GLT8D1: variants seen among roughly 807,000 people sequenced by gnomAD.
GLT8D1 encodes the protein glycosyltransferase 8 domain-containing protein 1.
GLT8D1 carries 41 observed loss-of-function variants against 46.2 expected under a neutral mutation model. That is an observed-to-expected ratio of 0.89 (90% confidence interval 0.69 to 1.15). The LOEUF (loss-of-function observed/expected upper bound fraction) is 1.15. GLT8D1 is among the 50% of genes most tolerant of loss of function. GLT8D1 has a pLI of 0.00. For synonymous variants in GLT8D1, 150 were observed against 154.2 expected (o/e 0.97, Z 0.20); for missense variants, 408 against 449.3 (o/e 0.91, Z 0.83).
At chr3:52,695,614 C>G in intron 7 of GLT8D1, 27 bp from the exon 8 acceptor site, 2 of 1,353,346 alleles carry the variant, frequency 1.5e-6, no homozygotes, top group Non-Finnish European at 2.1e-6. Flanking sequence ...GATATATGTA[C>G]TTACTGCTTC....
At chr3:52,704,593 T>C (rs573427287) in intron 1 of GLT8D1, 29 of 152,310 alleles carry the variant, frequency 1.9e-4, no homozygotes, top group African/African-American at 6.3e-4. Context: ...CCCATCCCTC[T>C]TTCTGCCTTC....
chr3:52,695,727 AC>A lies in GLT8D1; in HGVS notation c.646-141del, dbSNP rs1316396795. ...TTTGAAATTCCAAGTTAGAATAGGA[AC>A]CTAGATGTTGACATAATAAACCAGA... On this transcript the variant is annotated intron_variant, in intron 7 of 9. Transcript: ENST00000266014. The A allele has an allele frequency of 6.2e-6, 4 of 647,748 alleles. No homozygotes were observed. In the Admixed American group the frequency reaches 1.2e-4, roughly 19 times the overall value. 40.1% of individuals were successfully genotyped at this position (647,748 alleles called of 1,614,324 possible).
rs769248984 is a variant in GLT8D1 at position 52,696,630 on chromosome 3, C to G, written c.359G>C (p.Ser120Thr). 11 of 1,606,388 alleles carry G rather than the reference C, an allele frequency of 6.8e-6. No individual in the cohort carries two copies. The highest frequency in any genetic ancestry group is 1.3e-5 in the African/African-American group (1 of 74,734). Residue 120 changes from serine (S) to threonine (T), a missense_variant, in exon 5 of 10, where the codon AGC becomes ACC. Ser to Thr is a moderately conservative substitution (Grantham distance 58). Coordinates refer to ENST00000266014, the MANE Select transcript of GLT8D1 (RefSeq NM_018446.4). ...AAAATTGACAATTTTGTATCTGATG[C>G]TTTTCAGGGAATCACTGTTGAGCCA... ...RSWLNSDSLK[S>T]IRYKIVNFDP...
intron 7 of GLT8D1, 64 bp from the exon 8 acceptor site, chr3:52,695,651 C>T: frequency 1.0e-6 from 1 of 972,404 alleles, no homozygotes; most frequent in Non-Finnish European, 1.6e-6. Context: ...ATTTTATAGC[C>T]AGTAGAGAGA....
Position 52,696,331 on chromosome 3 carries a change from A to T in GLT8D1, c.448-13T>A. 1 of 1,581,372 alleles carries T rather than the reference A, an allele frequency of 6.3e-7. No homozygotes were observed. The highest frequency in any genetic ancestry group is 8.7e-7 in the Non-Finnish European group (1 of 1,150,010). The stretch of plus-strand genomic sequence containing the variant: ...TTGCAAAGGTTAACTGGAAAAGGAA[A>T]GAATAATTGGCATAGGATACCGCAC... On this transcript the variant is annotated splice_polypyrimidine_tract_variant and intron_variant, in intron 5 of 9. Transcript: ENST00000266014.
Position 52,697,616 on chromosome 3 carries a change from A to G in GLT8D1, c.329+105T>C, listed in dbSNP as rs182928700. On this transcript the variant is annotated intron_variant, in intron 4 of 9. Transcript: ENST00000266014. ...TACAGTTTATCACTGGTACAATTTC[A>G]ATTGTATAAAACAACATACAAACCA... 1.2e-4 allele frequency: 94 copies of G among 803,126 alleles called. 1 individual carries two copies. The highest frequency in any genetic ancestry group is 8.7e-6 in the Non-Finnish European group (4 of 458,046). 49.7% of individuals were successfully genotyped at this position (803,126 alleles called of 1,614,324 possible). A position where few individuals can be genotyped will look rare whatever the true frequency, so the allele number is the denominator to read the frequency against.
chr3:52,701,591 A>T (rs1309162704), intron 1 of GLT8D1, among the ~76,000 whole-genome samples: 2 of 151,710 alleles, frequency 1.3e-5, no homozygotes, highest in African/African-American at 2.4e-5. Flanking sequence ...CTGGTCTCGA[A>T]CTCCTGACTT....
chr3:52,695,222 G>A lies in GLT8D1; in HGVS notation c.893C>T (p.Thr298Ile), dbSNP rs2097331883. 6.2e-7 allele frequency: 1 copy of A among 1,613,568 alleles called. No homozygotes were observed. The highest frequency in any genetic ancestry group is 1.7e-5 in the Admixed American group (1 of 60,000). Residue 298 changes from threonine to isoleucine, a missense_variant, in exon 9 of 10, where the codon ACC becomes ATC. By Grantham distance (89) the Thr-to-Ile change is moderately conservative (BLOSUM62 -1). Transcript: ENST00000266014. ...GCGGACATTCCACATAGGATCGATG[G>A]TAGAGTGCTGTTGATAAAATACGAT... The part of the protein sequence containing the change: ...LLIVFYQQHS[T>I]IDPMWNVRHL...
chr3:52,698,591 G>A (rs1355831614), intron 3 of GLT8D1, among the ~76,000 whole-genome samples: 1 of 151,762 alleles, frequency 6.6e-6, no homozygotes, highest in Admixed American at 6.6e-5. Context: ...TGAGGCAGGA[G>A]AATCGCTTGA....
rs1561261621 is a variant in GLT8D1 at position 52,695,015 on chromosome 3, A to G, written c.946T>C (p.Tyr316His). 1 of 1,611,886 alleles carries G rather than the reference A, an allele frequency of 6.2e-7. No individual in the cohort carries two copies. The part of the protein sequence containing the change: ...RHLGSSAGKR[Y>H]SPQFVKAAKL... ...GCAGCCTTTACAAACTGAGGTGAATATCGTTTTCCAGCACTGGAACCTTAC... is the reference window on the plus strand; with the variant it reads ...GCAGCCTTTACAAACTGAGGTGAATGTCGTTTTCCAGCACTGGAACCTTAC... The change falls in exon 10 of 10, where the codon TAT (tyrosine) becomes CAT (histidine). Residue 316 changes from tyrosine (Y) to histidine (H), a missense_variant. By Grantham distance (83) the Tyr-to-His change is moderately conservative (BLOSUM62 2). Coordinates refer to ENST00000266014, the MANE Select transcript of GLT8D1 (RefSeq NM_018446.4).
At chr3:52,695,149 C>T in intron 9 of GLT8D1, 41 bp downstream of exon 9, 2 of 1,495,926 alleles carry the variant, frequency 1.3e-6, no homozygotes, top group East Asian at 2.3e-5. Context: ...CTTTAGATAC[C>T]AATTCTTTAC....
chr3:52,700,544 G>A (rs1319596899), intron 1 of GLT8D1, 48 bp from the exon 2 acceptor site: 4 of 848,772 alleles, frequency 4.7e-6, no homozygotes, highest in African/African-American at 1.7e-5. Flanking sequence ...CATGAGAAGG[G>A]ACATCAAAAT....
intron 3 of GLT8D1, among the ~76,000 whole-genome samples, 198 bp downstream of exon 3, chr3:52,700,064 T>C (rs1182468143): frequency 2.6e-5 from 4 of 152,240 alleles, no homozygotes; most frequent in Non-Finnish European, 5.9e-5. Context: ...AGCCCTGTCC[T>C]GCTGACATGT....
chr3:52,698,135 C>T (rs1237136133), intron 3 of GLT8D1, among the ~76,000 whole-genome samples: 1 of 152,178 alleles, frequency 6.6e-6, no homozygotes, highest in Non-Finnish European at 1.5e-5. Flanking sequence ...TTAAAATACA[C>T]TGACAGCACT....
Position 52,695,567 on chromosome 3 carries a change from A to G in GLT8D1, c.666T>C (p.Leu222=), listed in dbSNP as rs1201050157. 6.2e-7 allele frequency: 1 copy of G among 1,602,590 alleles called. No individual in the cohort carries two copies. The highest frequency in any genetic ancestry group is 8.5e-7 in the Non-Finnish European group (1 of 1,169,738). The change falls in exon 8 of 10, where the codon CTT becomes CTC. Residue 222 remains leucine, a synonymous_variant. Transcript: ENST00000266014. ...AGNQYNYIGY[L]DYKKERIRKL... is the part of the protein sequence containing the mutation. ...TACGAATTCTTTCCTTTTTATAGTC[A>G]AGATAGCCAATGTAATTGTACTAAA...
At chr3:52,703,219 T>C (rs1276887916) in intron 1 of GLT8D1, 1 of 147,980 alleles carries the variant, frequency 6.8e-6, no homozygotes, top group African/African-American at 2.5e-5. Context: ...GGTCAGGAGT[T>C]CGAGACCAGC....
Position 52,697,738 on chromosome 3 carries a change from A to G in GLT8D1, c.312T>C (p.Asn104=). The change falls in exon 4 of 10, where the codon AAT becomes AAC. Residue 104 remains asparagine (N), a synonymous_variant. Transcript: ENST00000266014. The stretch of plus-strand genomic sequence containing the variant: ...GAGCTCACCGGAGATGGTCTGCTGT[A>G]TTGTTGAGAGTAACAATGTAGAAAA... The part of the protein sequence containing the change: ...NVIFYIVTLN[N]TADHLRSWLN... 2 of 1,611,388 alleles carry G rather than the reference A, an allele frequency of 1.2e-6. No individual in the cohort carries two copies. Among genetic ancestry groups the G allele is most frequent in the Non-Finnish European group, 1.7e-6 (2 of 1,177,466 alleles).
chr3:52,705,222 T>C (rs913478873), intron 1 of GLT8D1: 3 of 152,230 alleles, frequency 2.0e-5, no homozygotes, highest in African/African-American at 7.2e-5. Flanking sequence ...GAGTGAACCT[T>C]TGGCTGGCCT....
Position 52,696,292 on chromosome 3 carries a change from TG to T in GLT8D1, c.473del (p.Pro158GlnfsTer17), listed in dbSNP as rs1212336284. The T allele has an allele frequency of 2.5e-6, 4 of 1,611,606 alleles. No homozygotes were observed. The South Asian group carries it at 4.4e-5, about 18-fold the overall frequency. On this transcript the variant is annotated frameshift_variant, in exon 6 of 10. Coordinates refer to ENST00000266014, the MANE Select transcript of GLT8D1 (RefSeq NM_018446.4). LOFTEE classifies it high-confidence loss of function. ...CCTTCTTTGCGCTGGGAACCAGAAT[TG>T]GCAAGTAGAACCTTGCAAAGGTTAA... ...KPLTFARFYL[P>X]ILVPSAKKAI...
Sources: allele counts gnomAD v4.1 joint callset (sites outside exome capture counted in the v4.1 genomes callset), GRCh38; gene constraint gnomAD v4.1.1; transcripts MANE v1.5; gene names NCBI Gene and HGNC (gene_info 2026-07-23, HGNC 2026-07-21).